The following DRC9 variants were observed in gnomAD, a reference collection of about 807,000 sequenced individuals.
DRC9 encodes the protein dynein regulatory complex protein 9.
At chr3:197,947,803 C>G in the DRC9 span, among the ~76,000 whole-genome samples, 1 of 152,018 alleles carries the variant, frequency 6.6e-6, no homozygotes. Flanking sequence ...TTATGTTCCT[C>G]TATCAAAGGT....
the DRC9 span, chr3:197,889,727 AGGG>A: frequency 1.2e-6 from 2 of 1,614,102 alleles, no homozygotes; most frequent in Non-Finnish European, 1.7e-6. Flanking sequence ...GGAAGAGAAA[AGGG>A]GAGTGAGTAC....
the DRC9 span, chr3:197,945,473 C>G: frequency 3.4e-6 from 2 of 592,028 alleles, no homozygotes; most frequent in Non-Finnish European, 3.0e-6. Flanking sequence ...CCCACAGAAA[C>G]TGTGGGAAAG....
chr3:197,957,890 A>C, the DRC9 span: 1 of 152,238 alleles, frequency 6.6e-6, no homozygotes, highest in Non-Finnish European at 1.5e-5. Flanking sequence ...TAGAGGAAGA[A>C]ATAGGGCGGC....
chr3:197,923,285 A>T, the DRC9 span, among the ~76,000 whole-genome samples: 2 of 151,910 alleles, frequency 1.3e-5, no homozygotes, highest in African/African-American at 2.4e-5. Flanking sequence ...CATCCAGATA[A>T]TTTTTTTACT....
At chr3:197,920,080 G>A in the DRC9 span, among the ~76,000 whole-genome samples, 14 of 151,628 alleles carry the variant, frequency 9.2e-5, no homozygotes, top group East Asian at 2.7e-3. Context: ...GTGGTGGCGT[G>A]CACCTGTAAT....
chr3:197,919,458 C>T, the DRC9 span, among the ~76,000 whole-genome samples: 5 of 152,172 alleles, frequency 3.3e-5, no homozygotes, highest in African/African-American at 7.2e-5. Context: ...ACTACAACCT[C>T]GAATCCGAGT....
chr3:197,926,310 A>G, the DRC9 span, among the ~76,000 whole-genome samples: 4 of 152,174 alleles, frequency 2.6e-5, no homozygotes, highest in Non-Finnish European at 5.9e-5. Context: ...CACATTTTCA[A>G]TAACACGTTT....
the DRC9 span, among the ~76,000 whole-genome samples, chr3:197,898,454 G>A: frequency 6.6e-6 from 1 of 152,180 alleles, no homozygotes; most frequent in East Asian, 1.9e-4. Context: ...CAAAGAAAGT[G>A]CAAGAAAATT....
the DRC9 span, chr3:197,945,489 A>G: frequency 1.6e-6 from 1 of 645,142 alleles, no homozygotes; most frequent in East Asian, 2.9e-5. Flanking sequence ...GAAAGAATAA[A>G]TGTTTATATT....
At chr3:197,890,480 T>C in the DRC9 span, among the ~76,000 whole-genome samples, 1 of 152,270 alleles carries the variant, frequency 6.6e-6, no homozygotes, top group South Asian at 2.1e-4. Flanking sequence ...ATATCTTTAG[T>C]GATTGCTTAA....
chr3:197,958,525 A>G, the DRC9 span: 1 of 152,270 alleles, frequency 6.6e-6, no homozygotes, highest in African/African-American at 2.4e-5. Context: ...GGAAGCTGTA[A>G]GATGTTAACC....
the DRC9 span, chr3:197,889,391 C>T: frequency 8.0e-5 from 52 of 649,674 alleles, no homozygotes; most frequent in Non-Finnish European, 1.2e-4. Context: ...AATCCTAAAT[C>T]AGGGTTTGAA....
chr3:197,900,401 C>T, the DRC9 span, among the ~76,000 whole-genome samples: 1 of 152,228 alleles, frequency 6.6e-6, no homozygotes, highest in South Asian at 2.1e-4. This position sits in a 1 kb window ranked among gnomAD's most constrained non-coding sequence, Gnocchi z 4.7. Flanking sequence ...AGGACTTTGT[C>T]TTGCATCTTG....
chr3:197,938,502 T>C, the DRC9 span: 9 of 1,445,708 alleles, frequency 6.2e-6, no homozygotes, highest in South Asian at 2.3e-5. Flanking sequence ...TTCGCTCATC[T>C]ATGTGTAAAT....
At chr3:197,924,328 C>T in the DRC9 span, among the ~76,000 whole-genome samples, 7 of 152,082 alleles carry the variant, frequency 4.6e-5, no homozygotes, top group African/African-American at 9.7e-5. Flanking sequence ...CATTGCACTC[C>T]AGCCTGGGTG....
chr3:197,943,814 C>G, the DRC9 span: 1 of 1,614,128 alleles, frequency 6.2e-7, no homozygotes, highest in Non-Finnish European at 8.5e-7. Context: ...ACTGAACGGG[C>G]ATGATGTAGT....
chr3:197,916,544 C>T, the DRC9 span: 2 of 152,130 alleles, frequency 1.3e-5, no homozygotes, highest in African/African-American at 4.8e-5. Flanking sequence ...AGCCTCCCAA[C>T]ATGCTAGGAT....
the DRC9 span, among the ~76,000 whole-genome samples, chr3:197,924,357 G>C: frequency 6.6e-6 from 1 of 151,932 alleles, no homozygotes; most frequent in Non-Finnish European, 1.5e-5. Flanking sequence ...GACAGGGTGA[G>C]ACTCCATCTC....
the DRC9 span, chr3:197,945,584 A>G: frequency 2.1e-6 from 3 of 1,426,058 alleles, no homozygotes; most frequent in African/African-American, 1.4e-5. Flanking sequence ...TAATTTAAAT[A>G]CATGTATACA....
Sources: gnomAD v4.1 joint callset for allele counts (sites outside exome capture counted in the v4.1 genomes callset) on GRCh38, gnomAD v4.1.1 for gene constraint, Gnocchi (gnomAD v3.1) non-coding constraint, MANE v1.5 for transcripts, NCBI Gene and HGNC (gene_info 2026-07-23, HGNC 2026-07-21) for gene names.